The following EFNA5 variants were observed in gnomAD, a reference collection of about 807,000 sequenced individuals.
EFNA5 encodes the protein ephrin-A5.
EFNA5 carries 5 observed loss-of-function variants against 22.9 expected under a neutral mutation model. The observed-to-expected ratio is 0.22, with a 90% CI of 0.11 to 0.46. The LOEUF (loss-of-function observed/expected upper bound fraction) is 0.46. Ranked by LOEUF, EFNA5 falls within the 20% of genes least tolerant of loss-of-function variation. The probability of loss-of-function intolerance (pLI) is 0.99; values close to 1 mark genes in which losing one functional copy is unlikely to be tolerated. For missense variants in EFNA5, 237 were observed against 293.3 expected, an observed-to-expected ratio of 0.81 and a Z score of 1.40; for synonymous variants, 113 against 112.2, an observed-to-expected ratio of 1.01 and a Z score of -0.04.
At chr5:107,617,969 C>T (rs1749957849) in intron 1 of EFNA5, among the ~76,000 whole-genome samples, 1 of 151,924 alleles carries the variant, frequency 6.6e-6, no homozygotes, top group Non-Finnish European at 1.5e-5. Flanking sequence ...AGGAGACCAT[C>T]CTGGACAAAA....
chr5:107,570,669 G>A (rs1318916008), intron 1 of EFNA5, among the ~76,000 whole-genome samples: 1 of 151,842 alleles, frequency 6.6e-6, no homozygotes, highest in South Asian at 2.1e-4. Context: ...GGGCGGGCAG[G>A]TATTAATGAT....
intron 2 of EFNA5, among the ~76,000 whole-genome samples, chr5:107,408,243 G>C (rs573988362): frequency 1.3e-5 from 2 of 151,978 alleles, no homozygotes; most frequent in African/African-American, 2.4e-5. Context: ...TAAGGAAAAG[G>C]CTTATAAAAT....
intron 1 of EFNA5, among the ~76,000 whole-genome samples, chr5:107,643,690 T>C (rs1325080218): frequency 6.8e-6 from 1 of 147,026 alleles, no homozygotes; most frequent in Non-Finnish European, 1.5e-5. Flanking sequence ...GGGGAGTGAA[T>C]GGGGGAGTGG....
intron 1 of EFNA5, among the ~76,000 whole-genome samples, chr5:107,536,102 G>A (rs1747923803): frequency 6.6e-6 from 1 of 152,118 alleles, no homozygotes; most frequent in Non-Finnish European, 1.5e-5. Flanking sequence ...CTGATATGAG[G>A]GAGGCATTCA....
chr5:107,396,449 A>C (rs1038209926), intron 2 of EFNA5, among the ~76,000 whole-genome samples: 17 of 152,190 alleles, frequency 1.1e-4, no homozygotes, highest in Admixed American at 9.2e-4. Context: ...ACTATTCTAC[A>C]GATTGATAGC....
chr5:107,666,998 G>A (rs1386223507), intron 1 of EFNA5, among the ~76,000 whole-genome samples: 1 of 151,978 alleles, frequency 6.6e-6, no homozygotes, highest in Admixed American at 6.5e-5. Flanking sequence ...AAGAAATTAA[G>A]GACAAATAGT....
chr5:107,600,860 AC>A (rs1240525817), intron 1 of EFNA5, among the ~76,000 whole-genome samples: 1 of 152,058 alleles, frequency 6.6e-6, no homozygotes, highest in Non-Finnish European at 1.5e-5. Flanking sequence ...TCTGGACCTC[AC>A]CCCGTGAAAA....
At chr5:107,417,215 T>C (rs1282930835) in intron 2 of EFNA5, among the ~76,000 whole-genome samples, 1 of 152,178 alleles carries the variant, frequency 6.6e-6, no homozygotes, top group African/African-American at 2.4e-5. Context: ...TTGGAAATAT[T>C]GTATATCTCT....
chr5:107,457,898 C>T (rs185411621), intron 1 of EFNA5, among the ~76,000 whole-genome samples: 183 of 152,266 alleles, frequency 1.2e-3, no homozygotes, highest in African/African-American at 4.3e-3. Flanking sequence ...TCGTTTGCTC[C>T]TTAAAACAAC....
chr5:107,526,989 A>G (rs1580512810), intron 1 of EFNA5, among the ~76,000 whole-genome samples: 1 of 152,202 alleles, frequency 6.6e-6, no homozygotes, highest in Non-Finnish European at 1.5e-5. Flanking sequence ...ATACAGAATA[A>G]CCAACCATAT....
chr5:107,468,851 C>A (rs1750062947), intron 1 of EFNA5, among the ~76,000 whole-genome samples: 1 of 152,000 alleles, frequency 6.6e-6, no homozygotes, highest in Non-Finnish European at 1.5e-5. Flanking sequence ...TAAGGAAATA[C>A]AGCTGCTTCA....
intron 1 of EFNA5, among the ~76,000 whole-genome samples, chr5:107,441,018 T>G (rs1338885338): frequency 3.3e-5 from 5 of 151,854 alleles, no homozygotes; most frequent in African/African-American, 1.2e-4. Context: ...AACTTGGATT[T>G]TTTTTTTTTT....
intron 1 of EFNA5, among the ~76,000 whole-genome samples, chr5:107,609,172 A>G (rs990203901): frequency 3.3e-5 from 5 of 152,204 alleles, no homozygotes; most frequent in Non-Finnish European, 7.3e-5. Flanking sequence ...AAATTATACA[A>G]TGTAATTAAA....
intron 1 of EFNA5, among the ~76,000 whole-genome samples, chr5:107,482,912 A>ACT (rs1750526536): frequency 6.7e-6 from 1 of 149,110 alleles, no homozygotes; most frequent in Middle Eastern, 3.2e-3. Context: ...ATATACACAT[A>ACT]CACACACACA....
intron 2 of EFNA5, among the ~76,000 whole-genome samples, chr5:107,410,022 C>G (rs115010513): frequency 4.1e-3 from 362 of 88,010 alleles, no homozygotes; most frequent in African/African-American, 6.5e-3. Context: ...TGACATGATT[C>G]TTTTTTTTTT....
At chr5:107,621,451 C>T (rs548623926) in intron 1 of EFNA5, among the ~76,000 whole-genome samples, 16 of 152,246 alleles carry the variant, frequency 1.1e-4, no homozygotes, top group Non-Finnish European at 1.3e-4. Flanking sequence ...AGTCTCTCAA[C>T]CAAAAGGATC....
chr5:107,614,967 G>T (rs1424245972), intron 1 of EFNA5, among the ~76,000 whole-genome samples: 1 of 151,906 alleles, frequency 6.6e-6, no homozygotes, highest in African/African-American at 2.4e-5. Flanking sequence ...ACTTTATCTT[G>T]TTCTATTTTA....
intron 1 of EFNA5, among the ~76,000 whole-genome samples, chr5:107,460,545 T>C (rs1033711300): frequency 6.6e-6 from 1 of 152,204 alleles, no homozygotes; most frequent in African/African-American, 2.4e-5. Context: ...GTAAAGCCTC[T>C]TTCTTAAGGA....
chr5:107,526,871 C>G (rs1241945452), intron 1 of EFNA5, among the ~76,000 whole-genome samples: 2 of 151,988 alleles, frequency 1.3e-5, no homozygotes, highest in Non-Finnish European at 1.5e-5. Context: ...ATTATAAAAC[C>G]ATTAGAAAAG....
Sources: gnomAD v4.1 joint callset for allele counts (sites outside exome capture counted in the v4.1 genomes callset) on GRCh38, gnomAD v4.1.1 for gene constraint, MANE v1.5 for transcripts, NCBI Gene and HGNC (gene_info 2026-07-23, HGNC 2026-07-21) for gene names.